TCIRG1: variants seen among roughly 807,000 people sequenced by gnomAD.
TCIRG1 encodes V-type proton ATPase 116 kDa subunit a 3.
A neutral mutation model predicts 95.5 loss-of-function variants in TCIRG1; 86 were observed. The ratio of observed to expected loss-of-function variants is 0.90; its 90% CI spans 0.76 to 1.08. The LOEUF (loss-of-function observed/expected upper bound fraction) is 1.08. Among genes scored for constraint, TCIRG1 ranks in the 50% least tolerant of loss-of-function variants. The pLI is 0.00. For missense variants in TCIRG1, 1,069 were observed against 1,140.2 expected, an observed-to-expected ratio of 0.94 and a Z score of 0.90; for synonymous variants, 499 against 501.3, an observed-to-expected ratio of 1.00 and a Z score of 0.06.
At chr11:68,047,006 CTT>C (rs5792432) in intron 10 of TCIRG1, 1,348 of 324,842 alleles carry the variant, frequency 4.1e-3, no homozygotes, top group East Asian at 7.7e-3. Flanking sequence ...GTGGTGGGTT[CTT>C]TTTTTTTTTT....
At chr11:68,049,595 C>T (rs1249421154) in intron 15 of TCIRG1, 68 bp from the exon 16 acceptor site, 3 of 1,567,422 alleles carry the variant, frequency 1.9e-6, no homozygotes, top group Admixed American at 3.6e-5. Context: ...CCCGTGACTG[C>T]TGTGACTCAG....
rs1436116632 is a variant in TCIRG1 at position 68,045,038 on chromosome 11, C to CA, written c.1102dup (p.Thr368AsnfsTer122). ...CCACACTCATCCGCACCAACCGCTT[C>CA]ACGGCCAGCTTCCAGGGCATCGTGG... On this transcript the variant is annotated frameshift_variant, in exon 10 of 20. Transcript: ENST00000265686. LOFTEE classifies it high-confidence loss of function. 6.2e-7 allele frequency: 1 copy of CA among 1,607,156 alleles called. No individual in the cohort carries two copies. Among genetic ancestry groups the CA allele is most frequent in the African/African-American group, 1.3e-5 (1 of 75,082 alleles).
intron 2 of TCIRG1, 46 bp from the exon 3 acceptor site, chr11:68,041,707 C>CG: frequency 6.6e-7 from 1 of 1,523,562 alleles, no homozygotes; most frequent in Admixed American, 1.8e-5. Context: ...GAGGAGCTCC[C>CG]TGACCCCCTT....
chr11:68,043,317 G>T, intron 5 of TCIRG1, 54 bp from the exon 6 acceptor site: 2 of 1,527,226 alleles, frequency 1.3e-6, no homozygotes, highest in Non-Finnish European at 1.8e-6. Context: ...GGGGCCTGGT[G>T]GGGGAGGCAG....
chr11:68,043,960 C>T lies in TCIRG1; in HGVS notation c.807+53C>T, dbSNP rs890503650. On this transcript the variant is annotated intron_variant, in intron 8 of 19. Transcript: ENST00000265686. ...GGTGTAGGAGGTGGGTGCCCCCGGC[C>T]TCCCGGAGGTGGGTGCAGGAGGTGG... 2.1e-6 allele frequency: 3 copies of T among 1,442,132 alleles called. No homozygotes were observed. The South Asian group carries it at 3.7e-5, about 18-fold the overall frequency. 89.3% of individuals were successfully genotyped at this position (1,442,132 alleles called of 1,614,324 possible). A position where few individuals can be genotyped will look rare whatever the true frequency, so the allele number is the denominator to read the frequency against.
intron 13 of TCIRG1, 53 bp from the exon 14 acceptor site, chr11:68,048,826 G>A (rs1223454837): frequency 7.7e-7 from 1 of 1,304,342 alleles, no homozygotes; most frequent in Non-Finnish European, 1.1e-6. Flanking sequence ...GGACTTCCTG[G>A]CAGTGATGGC....
chr11:68,053,751 T>A, downstream of TCIRG1: 2 of 474,710 alleles, frequency 4.2e-6, no homozygotes, highest in South Asian at 6.3e-5. Context: ...GATGTTGCAC[T>A]ATTGCACTAT....
At chr11:68,046,784 G>A (rs977569046) in intron 10 of TCIRG1, among the ~76,000 whole-genome samples, 4 of 152,194 alleles carry the variant, frequency 2.6e-5, no homozygotes, top group African/African-American at 9.6e-5. Flanking sequence ...GTGCCAGCTG[G>A]GGCTGCCTGT....
downstream of TCIRG1, chr11:68,050,926 A>C: frequency 7.7e-7 from 1 of 1,301,390 alleles, no homozygotes; most frequent in Non-Finnish European, 1.1e-6. Flanking sequence ...CCTCCTTTTT[A>C]GCTGAGGCAG....
chr11:68,048,911 C>A lies in TCIRG1; in HGVS notation c.1587C>A (p.Phe529Leu), dbSNP rs376351835. ...IWSLAANHLSFLNSFKMKMSV... is the reference protein window; with the variant it reads ...IWSLAANHLSLLNSFKMKMSV... ...GCCTGGCTGCCAACCACTTGAGCTT[C>A]CTCAACTCCTTCAAGATGAAGATGT... The change falls in exon 14 of 20, where the codon TTC becomes TTA. Residue 529 changes from phenylalanine to leucine, a missense_variant. Physicochemically the swap from Phe to Leu is conservative, Grantham distance 22. Coordinates refer to ENST00000265686, the MANE Select transcript of TCIRG1 (RefSeq NM_006019.4). 3.8e-5 allele frequency: 62 copies of A among 1,613,076 alleles called. No homozygotes were observed. Among genetic ancestry groups the A allele is most frequent in the Non-Finnish European group, 5.1e-5 (60 of 1,180,038 alleles).
At chr11:68,048,836 C>T (rs1033670436) in intron 13 of TCIRG1, 43 bp from the exon 14 acceptor site, 8 of 1,404,494 alleles carry the variant, frequency 5.7e-6, no homozygotes, top group South Asian at 1.1e-5. Flanking sequence ...GCAGTGATGG[C>T]GAGGGAGCCC....
intron 1 of TCIRG1, 41 bp from the exon 2 acceptor site, chr11:68,041,227 T>G: frequency 7.3e-7 from 1 of 1,378,424 alleles, no homozygotes; most frequent in East Asian, 2.3e-5. Flanking sequence ...GAACTGTCTG[T>G]GGTCTGCCCC....
rs1565163569 is a variant in TCIRG1, at chr11:68,049,743, G to GCACCGC, written c.1976_1981dup (p.His659_Arg660dup). ...TGCTTGGCACACCCCTGCACCTGCT[G>GCACCGC]CACCGCCACCGCCGCCGCCTGCGGA... On this transcript the variant is annotated inframe_insertion, in exon 16 of 20. Transcript: ENST00000265686. 7 of 1,582,094 alleles carry GCACCGC rather than the reference G, an allele frequency of 4.4e-6. No homozygotes were observed. The East Asian group carries it at 1.1e-4, about 26-fold the overall frequency.
intron 3 of TCIRG1, 117 bp downstream of exon 3, chr11:68,041,948 T>C: frequency 1.2e-6 from 1 of 840,910 alleles, no homozygotes; most frequent in Non-Finnish European, 2.0e-6. Context: ...GGGAGGTATA[T>C]GCAGGGCCCT....
chr11:68,045,875 C>T (rs1855456952), intron 10 of TCIRG1, among the ~76,000 whole-genome samples: 1 of 152,204 alleles, frequency 6.6e-6, no homozygotes. Flanking sequence ...GTCCTGTGAC[C>T]AAGTCCCCTC....
rs1855608151 is a variant in TCIRG1 at position 68,048,185 on chromosome 11, A to G, written c.1554+213A>G. 4.7e-6 allele frequency: 3 copies of G among 638,584 alleles called. No homozygotes were observed. In the East Asian group the frequency reaches 8.3e-5, roughly 18 times the overall value. 39.6% of individuals were successfully genotyped at this position (638,584 alleles called of 1,614,324 possible). A position where few individuals can be genotyped will look rare whatever the true frequency, so the allele number is the denominator to read the frequency against. Reference sequence around the variant, plus strand: ...GGAGGCAAAGCGAGACCAGCCAGGAACCAGTCTCCTGAGTGTGCAGAGGCA... The same window carrying G: ...GGAGGCAAAGCGAGACCAGCCAGGAGCCAGTCTCCTGAGTGTGCAGAGGCA... On this transcript the variant is annotated intron_variant, in intron 13 of 19. Transcript: ENST00000265686.
chr11:68,049,497 G>C (rs1260694816), intron 15 of TCIRG1, 166 bp from the exon 16 acceptor site: 1 of 1,072,504 alleles, frequency 9.3e-7, no homozygotes, highest in Non-Finnish European at 1.3e-6. Flanking sequence ...CTTCCCTCAG[G>C]AGTCCTTATG....
In TCIRG1 at chr11:68,041,918, G is replaced by A. The variant is rs113005329; in HGVS notation, c.196+87G>A. 23 of 1,278,910 alleles carry A rather than the reference G, an allele frequency of 1.8e-5. 1 individual carries two copies. In the African/African-American group the frequency reaches 2.4e-4, roughly 13 times the overall value. The allele number at this position is 1,278,910 out of a possible 1,614,324, so 79.2% of individuals were successfully genotyped here. A position where few individuals can be genotyped will look rare whatever the true frequency, so the allele number is the denominator to read the frequency against. On this transcript the variant is annotated intron_variant, in intron 3 of 19. Coordinates refer to ENST00000265686, the MANE Select transcript of TCIRG1 (RefSeq NM_006019.4). ...GATCTGAAAGGAAGAGTCTGGGTTTGCCAGGTGGAAGGCAGAGAAGGGAGG... is the reference window on the plus strand; with the variant it reads ...GATCTGAAAGGAAGAGTCTGGGTTTACCAGGTGGAAGGCAGAGAAGGGAGG...
chr11:68,047,263 C>CCCT (rs1283758772), intron 10 of TCIRG1, among the ~76,000 whole-genome samples, 170 bp from the exon 11 acceptor site: 3 of 112,880 alleles, frequency 2.7e-5, no homozygotes, highest in African/African-American at 1.1e-4. Context: ...CCCCCCCCCC[C>CCCT]CCCCGTCTCG....
Sources: allele counts gnomAD v4.1 joint callset (sites outside exome capture counted in the v4.1 genomes callset), GRCh38; gene constraint gnomAD v4.1.1; transcripts MANE v1.5; gene names NCBI Gene and HGNC (gene_info 2026-07-23, HGNC 2026-07-21).